Variants in CCDC149 observed in about 807,000 individuals in gnomAD.
CCDC149 encodes coiled-coil domain containing 149, also known as coiled-coil domain-containing protein 149.
CCDC149 carries 45 observed loss-of-function variants against 59.9 expected under a neutral mutation model. The ratio of observed to expected loss-of-function variants is 0.75; its 90% CI spans 0.59 to 0.96. The LOEUF (loss-of-function observed/expected upper bound fraction) is 0.96, where lower values mean the gene tolerates loss of function less well. Among genes scored for constraint, CCDC149 ranks in the 40% least tolerant of loss-of-function variants. The probability of loss-of-function intolerance (pLI) is 0.00; values close to 1 mark genes in which losing one functional copy is unlikely to be tolerated. For synonymous variants in CCDC149, 245 were observed against 260.6 expected, an observed-to-expected ratio of 0.94 and a Z score of 0.58; for missense variants, 584 against 664.7, an observed-to-expected ratio of 0.88 and a Z score of 1.33.
chr4:24,943,102 C>T lies in CCDC149; in HGVS notation c.-65+36967G>A, dbSNP rs1421810301. On this transcript the variant is annotated intron_variant, in intron 1 of 12. Transcript: ENST00000389609. ...CCCGCATCGCCAAGTCAATCCTAAG[C>T]CAAAAGAACAAAGCTGGAGGCATCA... Among the ~76,000 whole-genome samples the T allele has an allele frequency of 3.3e-5, 5 of 151,944 alleles. No individual in the cohort carries two copies. The Middle Eastern group carries it at 0.01, about 310-fold the overall frequency.
In CCDC149 at chr4:24,808,729, G is replaced by A. The variant is rs943099643; in HGVS notation, c.1283C>T (p.Ser428Phe). ...GTTCCCGCGGCTCTGATTTGCTGGG[G>A]AGTTGACAGCGGGCCTCCCAGCATC... The change falls in exon 13 of 13, where the codon TCC becomes TTC. Residue 428 changes from serine (S) to phenylalanine (F), a missense_variant. Ser to Phe is a radical substitution (Grantham distance 155). Coordinates refer to ENST00000635206, the MANE Select transcript of CCDC149 (RefSeq NM_001330643.2). 4 of 1,552,026 alleles carry A rather than the reference G, an allele frequency of 2.6e-6. No individual in the cohort carries two copies. Among genetic ancestry groups the A allele is most frequent in the Non-Finnish European group, 3.5e-6 (4 of 1,147,104 alleles).
At chr4:24,880,469 G>GTA (rs1417319599) in intron 1 of CCDC149, among the ~76,000 whole-genome samples, 4 of 152,228 alleles carry the variant, frequency 2.6e-5, no homozygotes, top group African/African-American at 9.6e-5. Context: ...AAAACTCTAG[G>GTA]AAGTGGGGAG....
chr4:24,867,032 G>A (rs1269618771), intron 3 of CCDC149, among the ~76,000 whole-genome samples: 2 of 152,134 alleles, frequency 1.3e-5, no homozygotes, highest in African/African-American at 2.4e-5. Context: ...TCTAAGAATC[G>A]AATATAGAAC....
chr4:24,954,707 GT>G (rs1444435471), intron 1 of CCDC149, among the ~76,000 whole-genome samples: 2 of 152,160 alleles, frequency 1.3e-5, no homozygotes, highest in Non-Finnish European at 2.9e-5. Flanking sequence ...CCTAGAAACA[GT>G]TCTGTCCCCA....
chr4:24,903,441 C>A (rs1030704964), intron 1 of CCDC149, among the ~76,000 whole-genome samples: 1 of 152,118 alleles, frequency 6.6e-6, no homozygotes, highest in Non-Finnish European at 1.5e-5. Context: ...AAGGACTTGG[C>A]GCTGAAATTT....
At chr4:24,810,251 T>C (rs1365645254) in intron 12 of CCDC149, among the ~76,000 whole-genome samples, 6 of 152,226 alleles carry the variant, frequency 3.9e-5, no homozygotes, top group Admixed American at 1.3e-4. Flanking sequence ...ATCTGACTCA[T>C]CCAGTGTCTG....
intron 1 of CCDC149, among the ~76,000 whole-genome samples, chr4:24,970,264 G>A (rs1723919388): frequency 6.6e-6 from 1 of 152,210 alleles, no homozygotes; most frequent in African/African-American, 2.4e-5. Context: ...TGTTGGATCT[G>A]CACCACCTTT....
intron 1 of CCDC149, among the ~76,000 whole-genome samples, chr4:24,941,074 C>T (rs1577496613): frequency 6.6e-6 from 1 of 152,326 alleles, no homozygotes; most frequent in East Asian, 1.9e-4. Context: ...ACTCTCCACC[C>T]AAAATCAACA....
At chr4:24,961,644 G>A (rs1013725172) in intron 1 of CCDC149, among the ~76,000 whole-genome samples, 1 of 152,140 alleles carries the variant, frequency 6.6e-6, no homozygotes, top group Non-Finnish European at 1.5e-5. Context: ...AGAGCCCTCA[G>A]AAATAATGCT....
chr4:24,900,466 G>C (rs1460564603), intron 1 of CCDC149, among the ~76,000 whole-genome samples: 1 of 152,106 alleles, frequency 6.6e-6, no homozygotes, highest in Non-Finnish European at 1.5e-5. Flanking sequence ...TCTGCAAATG[G>C]GCCAGAACCA....
intron 4 of CCDC149, among the ~76,000 whole-genome samples, chr4:24,842,693 C>T (rs1485550459): frequency 2.0e-5 from 3 of 152,188 alleles, no homozygotes; most frequent in African/African-American, 7.2e-5. Context: ...AGTGGTAAAA[C>T]GGCTTCTGGG....
chr4:24,819,790 T>C, intron 12 of CCDC149, 69 bp downstream of exon 12: 1 of 1,062,174 alleles, frequency 9.4e-7, no homozygotes, highest in Non-Finnish European at 1.4e-6. Flanking sequence ...AAGAGACCGA[T>C]GTCCATTGAG....
intron 1 of CCDC149, among the ~76,000 whole-genome samples, chr4:24,899,091 G>A (rs1000212340): frequency 6.6e-6 from 1 of 152,168 alleles, no homozygotes; most frequent in Non-Finnish European, 1.5e-5. Context: ...GATGACTCTA[G>A]CAACTGCATG....
intron 12 of CCDC149, among the ~76,000 whole-genome samples, chr4:24,816,439 A>G (rs576807588): frequency 2.6e-4 from 40 of 152,220 alleles, no homozygotes; most frequent in African/African-American, 8.2e-4. Context: ...AGTCATTATC[A>G]GGAGACAAAA....
intron 4 of CCDC149, among the ~76,000 whole-genome samples, chr4:24,852,628 C>A (rs1003544832): frequency 7.2e-5 from 11 of 151,916 alleles, no homozygotes; most frequent in African/African-American, 2.7e-4. Context: ...ATACAAATTG[C>A]CAAATTTAGC....
intron 1 of CCDC149, among the ~76,000 whole-genome samples, chr4:24,934,289 T>C (rs1183607663): frequency 6.6e-6 from 1 of 152,158 alleles, no homozygotes; most frequent in Admixed American, 6.5e-5. Flanking sequence ...TCATGAAATG[T>C]GATAGTTTTA....
intron 4 of CCDC149, among the ~76,000 whole-genome samples, chr4:24,843,345 C>T (rs1717054665): frequency 6.6e-6 from 1 of 152,204 alleles, no homozygotes; most frequent in African/African-American, 2.4e-5. Flanking sequence ...GAGAGGTCAG[C>T]ACCAAAAGGC....
chr4:24,974,483 C>T (rs1404524919), intron 1 of CCDC149, among the ~76,000 whole-genome samples: 1 of 152,212 alleles, frequency 6.6e-6, no homozygotes, highest in Admixed American at 6.5e-5. Flanking sequence ...TGCTGCAGCA[C>T]CCAGAAATCA....
chr4:24,821,972 G>A (rs1374043663), intron 10 of CCDC149, among the ~76,000 whole-genome samples: 2 of 152,144 alleles, frequency 1.3e-5, no homozygotes, highest in Admixed American at 1.3e-4. Context: ...TACATTTTGG[G>A]TTAGAACAAT....
Sources: gnomAD v4.1 joint callset for allele counts (sites outside exome capture counted in the v4.1 genomes callset) on GRCh38, gnomAD v4.1.1 for gene constraint, MANE v1.5 for transcripts, NCBI Gene and HGNC (gene_info 2026-07-23, HGNC 2026-07-21) for gene names.